Variants in RYR3 observed in about 807,000 individuals in gnomAD.
The protein encoded by RYR3 is brain ryanodine receptor-calcium release channel.
Under a neutral mutation model 584.3 loss-of-function variants are expected in RYR3, and 207 were observed. That is an observed-to-expected ratio of 0.35 (90% CI 0.32 to 0.40). The LOEUF (loss-of-function observed/expected upper bound fraction) is 0.40. Among genes scored for constraint, RYR3 ranks in the 10% least tolerant of loss-of-function variants. The pLI, the probability that RYR3 is intolerant of heterozygous loss-of-function variation, is 1.00. For synonymous variants in RYR3, 2,416 were observed against 2,248.5 expected (o/e 1.07, Z -2.11); for missense variants, 5,616 against 6,089.2 (o/e 0.92, Z 2.59).
chr15:33,639,931 C>G (rs2061703134), intron 27 of RYR3, among the ~76,000 whole-genome samples: 1 of 152,154 alleles, frequency 6.6e-6, no homozygotes, highest in Admixed American at 6.5e-5. Flanking sequence ...TTCTCTTTTC[C>G]TCTGTTTAAA....
intron 1 of RYR3, among the ~76,000 whole-genome samples, chr15:33,316,073 ATTGGT>A (rs1248340808): frequency 6.6e-6 from 1 of 152,086 alleles, no homozygotes; most frequent in Non-Finnish European, 1.5e-5. Context: ...AATTTCTAAT[ATTGGT>A]TTCTCCAGCT....
At chr15:33,517,312 C>A (rs915133271) in intron 3 of RYR3, among the ~76,000 whole-genome samples, 1 of 152,174 alleles carries the variant, frequency 6.6e-6, no homozygotes, top group South Asian at 2.1e-4. Context: ...TTTTAAATAA[C>A]CTTTCTGATT....
chr15:33,430,014 C>G (rs1392863745), intron 1 of RYR3, among the ~76,000 whole-genome samples: 1 of 152,212 alleles, frequency 6.6e-6, no homozygotes, highest in Non-Finnish European at 1.5e-5. Flanking sequence ...GGTGGTTGGT[C>G]TAAGATGAGA....
chr15:33,427,248 C>T (rs376998950), intron 1 of RYR3, among the ~76,000 whole-genome samples: 2 of 152,124 alleles, frequency 1.3e-5, no homozygotes, highest in African/African-American at 4.8e-5. Context: ...TAATGTTCCA[C>T]TCTTTGTTGG....
At chr15:33,738,722 C>A in intron 50 of RYR3, 132 bp downstream of exon 50, 3 of 929,034 alleles carry the variant, frequency 3.2e-6, no homozygotes, top group Non-Finnish European at 4.9e-6. Flanking sequence ...CATATTACGC[C>A]AATCCTTGCC....
Position 33,636,498 on chromosome 15 carries a change from G to A in RYR3, c.3504G>A (p.Leu1168=). The A allele has an allele frequency of 6.2e-7, 1 of 1,612,104 alleles. No homozygotes were observed. The highest frequency in any genetic ancestry group is 8.5e-7 in the Non-Finnish European group (1 of 1,179,168). Residue 1168 remains leucine, a synonymous_variant, in exon 27 of 104, where the codon CTG becomes CTA. Transcript: ENST00000634891. ...TCTTCACACTGAATGGGGAGCTGCT[G>A]ATCACCAACAAAGGCTCTGAACTTG... ...SMIFTLNGEL[L]ITNKGSELAF...
chr15:33,655,415 A>G (rs1407676606), intron 32 of RYR3, among the ~76,000 whole-genome samples: 2 of 152,204 alleles, frequency 1.3e-5, no homozygotes, highest in Non-Finnish European at 2.9e-5. Context: ...GATCTTTGGA[A>G]GTTCAAAAAA....
At chr15:33,386,186 C>T (rs947945155) in intron 1 of RYR3, among the ~76,000 whole-genome samples, 1 of 152,104 alleles carries the variant, frequency 6.6e-6, no homozygotes, top group African/African-American at 2.4e-5. Flanking sequence ...CTTTCCAACA[C>T]CACCCCTCTT....
intron 1 of RYR3, among the ~76,000 whole-genome samples, chr15:33,419,787 A>G (rs1014049642): frequency 5.3e-5 from 8 of 152,280 alleles, no homozygotes; most frequent in Admixed American, 2.6e-4. Context: ...CGTGAAGCAG[A>G]AGGAAAAAGT....
chr15:33,857,851 C>T lies in RYR3; in HGVS notation c.14079C>T (p.Arg4693=). Residue 4693 remains arginine (R), a synonymous_variant, in exon 99 of 104, where the codon CGC becomes CGT. Coordinates refer to ENST00000634891, the MANE Select transcript of RYR3 (RefSeq NM_001036.6). ...CTGTGGTGGCTTTCAACTTCTTCCG[C>T]AAGTTCTACAACAAAAGCGAAGACG... ...LYTVVAFNFF[R]KFYNKSEDDD... The T allele has an allele frequency of 6.2e-7, 1 of 1,614,188 alleles. No homozygotes were observed. The highest frequency in any genetic ancestry group is 8.5e-7 in the Non-Finnish European group (1 of 1,180,038).
At chr15:33,717,861 T>C (rs945367794) in intron 43 of RYR3, among the ~76,000 whole-genome samples, 1 of 152,152 alleles carries the variant, frequency 6.6e-6, no homozygotes, top group Non-Finnish European at 1.5e-5. Flanking sequence ...CAATGGATAG[T>C]TGAATTCATT....
chr15:33,535,620 G>T (rs1055409909), intron 5 of RYR3, among the ~76,000 whole-genome samples: 1 of 152,162 alleles, frequency 6.6e-6, no homozygotes, highest in Non-Finnish European at 1.5e-5. Flanking sequence ...GTCAAATATG[G>T]TCACTGTATT....
intron 44 of RYR3, 75 bp from the exon 45 acceptor site, chr15:33,723,990 T>G: frequency 1.3e-6 from 1 of 750,582 alleles, no homozygotes; most frequent in Non-Finnish European, 2.3e-6. Flanking sequence ...TGCTTCCATA[T>G]CAAGCAGCTT....
chr15:33,344,411 A>G (rs1290949784), intron 1 of RYR3, among the ~76,000 whole-genome samples: 1 of 152,216 alleles, frequency 6.6e-6, no homozygotes, highest in African/African-American at 2.4e-5. Flanking sequence ...CCATGGGTAT[A>G]TATACACATT....
chr15:33,470,774 TGA>T (rs1435375062), intron 1 of RYR3, among the ~76,000 whole-genome samples: 12 of 152,172 alleles, frequency 7.9e-5, no homozygotes, highest in Non-Finnish European at 1.5e-4. Flanking sequence ...TCAGGACATG[TGA>T]GAAGTAGGCA....
intron 64 of RYR3, among the ~76,000 whole-genome samples, chr15:33,778,201 A>G (rs758381986): frequency 1.3e-5 from 2 of 152,130 alleles, no homozygotes; most frequent in South Asian, 2.1e-4. Context: ...AAATAAAGCT[A>G]TCAGATTTGA....
rs1386619982 is a variant in RYR3, at chr15:33,755,109, G to T, written c.8444G>T (p.Arg2815Met). 6.2e-7 allele frequency: 1 copy of T among 1,613,328 alleles called. No individual in the cohort carries two copies. The highest frequency in any genetic ancestry group is 8.5e-7 in the Non-Finnish European group (1 of 1,179,698). ...MELDASSMEK[R>M]FAYKFLKKIL... ...CTGGATGCCTCCTCCATGGAGAAGA[G>T]GTTTGCCTATAAGTTCTTGAAGAAG... Residue 2815 changes from arginine to methionine, a missense_variant, in exon 58 of 104, where the codon AGG (arginine) becomes ATG (methionine). Transcript: ENST00000634891.
intron 3 of RYR3, among the ~76,000 whole-genome samples, chr15:33,511,384 A>T (rs1392801118): frequency 6.6e-6 from 1 of 151,638 alleles, no homozygotes; most frequent in Non-Finnish European, 1.5e-5. Context: ...CTCCTCAAAT[A>T]AGTTGAAAGC....
At chr15:33,726,620 AC>A in intron 46 of RYR3, 114 bp downstream of exon 46, 1 of 1,140,632 alleles carries the variant, frequency 8.8e-7, no homozygotes, top group African/African-American at 1.6e-5. Context: ...GGCGGGCTGC[AC>A]AGGGCAAGTG....
Sources: gnomAD v4.1 joint callset for allele counts (sites outside exome capture counted in the v4.1 genomes callset) on GRCh38, gnomAD v4.1.1 for gene constraint, MANE v1.5 for transcripts, NCBI Gene and HGNC (gene_info 2026-07-23, HGNC 2026-07-21) for gene names.